Variants in TBC1D22A observed in about 807,000 individuals in gnomAD.
TBC1D22A encodes putative GTPase activator.
In TBC1D22A, 38 loss-of-function variants were observed where a neutral mutation model predicts 60.2. That is an observed-to-expected ratio of 0.63 (90% confidence interval 0.49 to 0.83). TBC1D22A has a LOEUF of 0.83. Among genes scored for constraint, TBC1D22A ranks in the 40% least tolerant of loss-of-function variants. The pLI is 0.00. For missense variants in TBC1D22A, 628 were observed against 701.0 expected, an observed-to-expected ratio of 0.90 and a Z score of 1.18; for synonymous variants, 302 against 281.7, an observed-to-expected ratio of 1.07 and a Z score of -0.72.
chr22:46,779,505 C>T (rs1386318500), intron 1 of TBC1D22A, among the ~76,000 whole-genome samples: 1 of 152,112 alleles, frequency 6.6e-6, no homozygotes, highest in Non-Finnish European at 1.5e-5. Flanking sequence ...GTGATCTGCC[C>T]GCCTCGGCCT....
At chr22:47,144,671 C>A (rs963477349) in intron 12 of TBC1D22A, among the ~76,000 whole-genome samples, 2 of 152,084 alleles carry the variant, frequency 1.3e-5, no homozygotes, top group Admixed American at 1.3e-4. Flanking sequence ...CGGGACTTCA[C>A]GGGTGCAGCC....
intron 9 of TBC1D22A, among the ~76,000 whole-genome samples, chr22:46,983,443 T>C (rs1026615159): frequency 6.6e-6 from 1 of 152,218 alleles, no homozygotes; most frequent in Admixed American, 6.5e-5. Context: ...TTTGGAGAAA[T>C]AATTTCTTTC....
At chr22:46,805,660 T>C (rs987650546) in intron 4 of TBC1D22A, among the ~76,000 whole-genome samples, 3 of 152,138 alleles carry the variant, frequency 2.0e-5, no homozygotes, top group East Asian at 1.9e-4. Context: ...ATGTGTCTCC[T>C]GTGGGCTGGA....
chr22:47,165,765 G>C (rs769327959), intron 12 of TBC1D22A, among the ~76,000 whole-genome samples: 1 of 152,024 alleles, frequency 6.6e-6, no homozygotes, highest in Non-Finnish European at 1.5e-5. Context: ...CCTGCCCCCC[G>C]GACCCCGGGG....
intron 4 of TBC1D22A, among the ~76,000 whole-genome samples, chr22:46,813,733 G>A (rs1161420611): frequency 6.6e-6 from 1 of 152,218 alleles, no homozygotes; most frequent in South Asian, 2.1e-4. Flanking sequence ...TTTGGCTGGG[G>A]GTGGGAGCAG....
chr22:47,111,729 G>A (rs2065854371), intron 12 of TBC1D22A, 126 bp downstream of exon 12: 1 of 820,906 alleles, frequency 1.2e-6, no homozygotes, highest in Non-Finnish European at 1.9e-6. Context: ...TTTCGCCGCT[G>A]ACCTCCTGCT....
At chr22:47,133,405 C>T (rs575762620) in intron 12 of TBC1D22A, among the ~76,000 whole-genome samples, 22 of 152,242 alleles carry the variant, frequency 1.4e-4, no homozygotes, top group Admixed American at 1.2e-3. Context: ...AGCCACCCTG[C>T]GGAGGCAGCC....
intron 11 of TBC1D22A, among the ~76,000 whole-genome samples, chr22:47,074,739 G>A (rs375559304): frequency 6.6e-6 from 1 of 152,186 alleles, no homozygotes; most frequent in African/African-American, 2.4e-5. Context: ...CATCCTGAGA[G>A]CCATCCTACC....
intron 9 of TBC1D22A, among the ~76,000 whole-genome samples, chr22:46,987,692 G>A (rs1400693788): frequency 6.6e-6 from 1 of 152,232 alleles, no homozygotes; most frequent in Non-Finnish European, 1.5e-5. Flanking sequence ...CCTTCAGCAA[G>A]TTGTAATCTT....
intron 11 of TBC1D22A, among the ~76,000 whole-genome samples, chr22:47,101,204 A>G (rs1460497270): frequency 1.3e-5 from 2 of 152,226 alleles, no homozygotes; most frequent in African/African-American, 4.8e-5. Context: ...TCAGAACCAT[A>G]TTCATCATTC....
In TBC1D22A at chr22:47,172,948, G is replaced by T. The variant is rs117053268; in HGVS notation, c.1426-550G>T. ...CGTGTGGGCTTCATCTGCTGATGGT[G>T]CTGGTGCCCGGAGGGGTCTCCTGGT... On this transcript the variant is annotated intron_variant, in intron 12 of 12. Transcript: ENST00000337137. 8.7e-4 allele frequency among the ~76,000 whole-genome samples: 133 copies of T among 152,366 alleles called. 1 individual carries two copies. The East Asian group carries it at 0.023, about 27-fold the overall frequency.
At chr22:46,801,488 G>A (rs962689415) in intron 4 of TBC1D22A, among the ~76,000 whole-genome samples, 2 of 152,242 alleles carry the variant, frequency 1.3e-5, no homozygotes, top group African/African-American at 4.8e-5. Flanking sequence ...GTAGCAAATA[G>A]AACTTAATAG....
chr22:46,961,173 T>A (rs1034083750), intron 8 of TBC1D22A, among the ~76,000 whole-genome samples: 1 of 152,304 alleles, frequency 6.6e-6, no homozygotes, highest in Non-Finnish European at 1.5e-5. Context: ...CATATTGAAC[T>A]CTAATTTCTA....
chr22:47,043,025 C>T (rs928191469), intron 11 of TBC1D22A, among the ~76,000 whole-genome samples: 4 of 152,170 alleles, frequency 2.6e-5, no homozygotes, highest in Non-Finnish European at 4.4e-5. Flanking sequence ...CAGTTATCAG[C>T]GCCTGCTCCG....
intron 4 of TBC1D22A, among the ~76,000 whole-genome samples, chr22:46,801,016 C>G (rs2084874214): frequency 2.0e-5 from 3 of 152,324 alleles, no homozygotes; most frequent in Middle Eastern, 3.4e-3. Flanking sequence ...AAATTAAAAT[C>G]ACACTTAAAA....
intron 10 of TBC1D22A, among the ~76,000 whole-genome samples, chr22:47,020,256 G>C (rs2062040939): frequency 6.6e-6 from 1 of 152,202 alleles, no homozygotes. Context: ...CACCCAGTCA[G>C]CTGACCAGCA....
chr22:47,077,929 C>T (rs1035620989), intron 11 of TBC1D22A, among the ~76,000 whole-genome samples: 2 of 152,218 alleles, frequency 1.3e-5, no homozygotes, highest in Non-Finnish European at 2.9e-5. Flanking sequence ...CAGTACCTCA[C>T]GGTTTTCTTT....
At chr22:46,941,070 G>C (rs961319130) in intron 8 of TBC1D22A, among the ~76,000 whole-genome samples, 3 of 132,740 alleles carry the variant, frequency 2.3e-5, no homozygotes, top group African/African-American at 8.8e-5. Context: ...TATATACATA[G>C]TCCACCCTTG....
chr22:46,939,985 G>A (rs1478495905), intron 8 of TBC1D22A, among the ~76,000 whole-genome samples: 2 of 152,182 alleles, frequency 1.3e-5, no homozygotes, highest in Non-Finnish European at 2.9e-5. Flanking sequence ...CACTATACAG[G>A]CATACTTTGG....
Sources: gnomAD v4.1 joint callset for allele counts (sites outside exome capture counted in the v4.1 genomes callset) on GRCh38, gnomAD v4.1.1 for gene constraint, MANE v1.5 for transcripts, NCBI Gene and HGNC (gene_info 2026-07-23, HGNC 2026-07-21) for gene names.